Variants in SLIT3 observed in about 807,000 individuals in gnomAD.
The protein encoded by SLIT3 is slit guidance ligand 3, also known as slit homolog 3 protein.
Under a neutral mutation model 184.0 loss-of-function variants are expected in SLIT3, and 68 were observed. The ratio of observed to expected loss-of-function variants is 0.37; its 90% CI spans 0.30 to 0.45. The LOEUF is 0.45. Ranked by LOEUF, SLIT3 falls within the 20% of genes least tolerant of loss-of-function variation. The pLI is 1.00. For missense variants in SLIT3, 1,707 were observed against 2,026.0 expected, an observed-to-expected ratio of 0.84 and a Z score of 3.02; for synonymous variants, 831 against 828.6, an observed-to-expected ratio of 1.00 and a Z score of -0.05.
intron 9 of SLIT3, among the ~76,000 whole-genome samples, chr5:168,803,860 G>C (rs1195992751): frequency 6.6e-6 from 1 of 152,134 alleles, no homozygotes; most frequent in Non-Finnish European, 1.5e-5. Context: ...CACTGTGGGA[G>C]GGCCAGAGGC....
chr5:169,224,169 G>A (rs1230055584), intron 3 of SLIT3, among the ~76,000 whole-genome samples: 2 of 151,996 alleles, frequency 1.3e-5, no homozygotes, highest in Admixed American at 6.6e-5. Flanking sequence ...CTGGTAGAAT[G>A]GGATGATAAT....
chr5:169,231,528 G>A (rs1765003965), intron 3 of SLIT3, among the ~76,000 whole-genome samples: 1 of 152,178 alleles, frequency 6.6e-6, no homozygotes, highest in Admixed American at 6.5e-5. Flanking sequence ...GTTACAGACA[G>A]CAGTTTTTTT....
chr5:168,881,528 C>A (rs974752406), intron 5 of SLIT3, among the ~76,000 whole-genome samples: 15 of 152,102 alleles, frequency 9.9e-5, no homozygotes, highest in Admixed American at 9.2e-4. Context: ...GCAAAATGTT[C>A]TTTTGGGGTT....
chr5:168,897,429 G>A (rs1250081349), intron 4 of SLIT3, among the ~76,000 whole-genome samples: 6 of 152,110 alleles, frequency 3.9e-5, no homozygotes, highest in Non-Finnish European at 7.3e-5. Context: ...GAGAGAGAGA[G>A]AGACAGAGAG....
chr5:169,174,378 T>G (rs1357397420), intron 4 of SLIT3, among the ~76,000 whole-genome samples: 1 of 152,202 alleles, frequency 6.6e-6, no homozygotes, highest in East Asian at 1.9e-4. Context: ...TTCCAGCAGC[T>G]GGGGTGACAT....
intron 5 of SLIT3, among the ~76,000 whole-genome samples, chr5:168,880,856 G>A (rs901800515): frequency 6.6e-6 from 1 of 152,082 alleles, no homozygotes; most frequent in Non-Finnish European, 1.5e-5. Context: ...CCCTCATTAC[G>A]TATAGCTACT....
chr5:169,032,105 G>A (rs1158416352), intron 4 of SLIT3, among the ~76,000 whole-genome samples: 1 of 152,160 alleles, frequency 6.6e-6, no homozygotes, highest in Non-Finnish European at 1.5e-5. Context: ...TTTGTGACAA[G>A]GGGCTAATAA....
intron 9 of SLIT3, among the ~76,000 whole-genome samples, chr5:168,802,346 C>T (rs1474324263): frequency 6.6e-6 from 1 of 152,116 alleles, no homozygotes; most frequent in Non-Finnish European, 1.5e-5. Context: ...GCAGGATCCC[C>T]CCTCCAACCT....
At chr5:169,175,839 G>A (rs11956951) in intron 4 of SLIT3, among the ~76,000 whole-genome samples, 1,602 of 152,240 alleles carry the variant, frequency 0.011, 36 homozygotes, top group African/African-American at 0.036. Flanking sequence ...CCAAAGCCTA[G>A]AGAGCTGCTC....
intron 28 of SLIT3, 39 bp from the exon 29 acceptor site, chr5:168,692,739 G>T: frequency 1.4e-6 from 2 of 1,481,152 alleles, no homozygotes; most frequent in Non-Finnish European, 1.9e-6. Flanking sequence ...CCTCAGGCAG[G>T]GTAGGGATGC....
intron 1 of SLIT3, among the ~76,000 whole-genome samples, chr5:169,274,286 G>C (rs536514523): frequency 2.6e-5 from 4 of 152,186 alleles, no homozygotes; most frequent in Non-Finnish European, 4.4e-5. Context: ...CCTTGGGCTA[G>C]GGCTGATGAA....
intron 4 of SLIT3, among the ~76,000 whole-genome samples, chr5:168,979,854 T>C (rs1466356386): frequency 2.6e-5 from 4 of 152,206 alleles, no homozygotes; most frequent in Non-Finnish European, 5.9e-5. Context: ...TTAACCTTCG[T>C]AGGTTTTCAA....
intron 5 of SLIT3, among the ~76,000 whole-genome samples, chr5:168,868,660 A>C (rs1291519736): frequency 1.3e-5 from 2 of 150,762 alleles, no homozygotes; most frequent in African/African-American, 4.9e-5. Context: ...AGGCAGGAGA[A>C]TCTTTTGAAC....
chr5:168,903,784 G>A (rs1760949987), intron 4 of SLIT3, among the ~76,000 whole-genome samples: 1 of 149,406 alleles, frequency 6.7e-6, no homozygotes, highest in Admixed American at 6.7e-5. Flanking sequence ...GAGAATCATG[G>A]CGGTCCCTCC....
intron 4 of SLIT3, among the ~76,000 whole-genome samples, chr5:169,002,580 C>A (rs374792081): frequency 1.3e-5 from 2 of 152,100 alleles, no homozygotes; most frequent in African/African-American, 2.4e-5. Context: ...AGGAAAGTCA[C>A]GTGGAGTGAG....
At chr5:168,755,160 T>A (rs564364028) in intron 16 of SLIT3, among the ~76,000 whole-genome samples, 1 of 152,290 alleles carries the variant, frequency 6.6e-6, no homozygotes, top group East Asian at 1.9e-4. Flanking sequence ...TTACGGATGA[T>A]GGGACTGAGG....
At chr5:168,798,349 G>A (rs1284822931) in intron 9 of SLIT3, among the ~76,000 whole-genome samples, 2 of 151,542 alleles carry the variant, frequency 1.3e-5, no homozygotes, top group Non-Finnish European at 2.9e-5. Context: ...TCAGCTTCCT[G>A]AGTAGCTAGG....
intron 4 of SLIT3, among the ~76,000 whole-genome samples, chr5:169,157,207 G>A (rs1252689030): frequency 6.6e-6 from 1 of 152,100 alleles, no homozygotes; most frequent in Admixed American, 6.5e-5. Flanking sequence ...AGGAGTGGCT[G>A]GTCTTCCACG....
In SLIT3 at chr5:168,664,238, C is replaced by A. The variant is rs996391964; in HGVS notation, c.*2216G>T. On this transcript the variant is annotated 3_prime_UTR_variant, in exon 36 of 36. Transcript: ENST00000519560. Reference sequence around the variant, plus strand: ...ATAATAATGTTTGAAACAGGCTGAGCATAGTGGCTCACACCTGTAATCCCA... The same window carrying A: ...ATAATAATGTTTGAAACAGGCTGAGAATAGTGGCTCACACCTGTAATCCCA... 6.6e-6 allele frequency: 1 copy of A among 152,164 alleles called. No individual in the cohort carries two copies. Among genetic ancestry groups the A allele is most frequent in the Admixed American group, 6.5e-5 (1 of 15,286 alleles). 9.4% of individuals were successfully genotyped at this position (152,164 alleles called of 1,614,324 possible). A position where few individuals can be genotyped will look rare whatever the true frequency, so the allele number is the denominator to read the frequency against.
Sources: gnomAD v4.1 joint callset for allele counts (sites outside exome capture counted in the v4.1 genomes callset) on GRCh38, gnomAD v4.1.1 for gene constraint, MANE v1.5 for transcripts, NCBI Gene and HGNC (gene_info 2026-07-23, HGNC 2026-07-21) for gene names.